LAMA3: variants seen among roughly 807,000 people sequenced by gnomAD.
LAMA3 encodes laminin subunit alpha-3.
A neutral mutation model predicts 402.0 loss-of-function variants in LAMA3; 281 were observed. The ratio of observed to expected loss-of-function variants is 0.70; its 90% CI spans 0.63 to 0.77. The LOEUF is 0.77. LAMA3 is among the 30% of genes least tolerant of loss of function. LAMA3 has a pLI of 0.00. For synonymous variants in LAMA3, 1,431 were observed against 1,558.4 expected, an observed-to-expected ratio of 0.92 and a Z score of 1.93; for missense variants, 3,840 against 4,215.5, an observed-to-expected ratio of 0.91 and a Z score of 2.47.
chr18:23,938,443 T>G (rs1489111021), intron 67 of LAMA3, among the ~76,000 whole-genome samples: 1 of 152,212 alleles, frequency 6.6e-6, no homozygotes, highest in Non-Finnish European at 1.5e-5. Flanking sequence ...TTATTATGGT[T>G]GTTTTTCTGC....
At chr18:23,786,807 G>T (rs2062553867) in intron 12 of LAMA3, among the ~76,000 whole-genome samples, 1 of 152,188 alleles carries the variant, frequency 6.6e-6, no homozygotes, top group East Asian at 1.9e-4. Context: ...TAAAGAGATA[G>T]AAATTGTTTT....
chr18:23,776,573 G>T (rs1338719770), intron 10 of LAMA3, among the ~76,000 whole-genome samples: 1 of 152,152 alleles, frequency 6.6e-6, no homozygotes, highest in African/African-American at 2.4e-5. Context: ...CTGTCTCTCT[G>T]TATCACTCTA....
At chr18:23,749,624 A>G (rs2061710519) in intron 4 of LAMA3, 78 bp downstream of exon 4, 1 of 898,972 alleles carries the variant, frequency 1.1e-6, no homozygotes, top group African/African-American at 1.6e-5. Flanking sequence ...TAATTGCGAA[A>G]CTTGCACTTT....
chr18:23,754,005 C>T (rs371917988), intron 6 of LAMA3, among the ~76,000 whole-genome samples, 193 bp downstream of exon 6: 1 of 151,972 alleles, frequency 6.6e-6, no homozygotes, highest in East Asian at 1.9e-4. Context: ...CCCTATAGGC[C>T]CTGGCAGACA....
chr18:23,860,320 G>GTGATCACA (rs1398411468), intron 34 of LAMA3, among the ~76,000 whole-genome samples: 1 of 133,246 alleles, frequency 7.5e-6, no homozygotes, highest in African/African-American at 2.8e-5. Flanking sequence ...GTGTAGTGGT[G>GTGATCACA]TGATCACAGC....
At chr18:23,759,343 A>G (rs897087212) in intron 7 of LAMA3, among the ~76,000 whole-genome samples, 21 of 152,066 alleles carry the variant, frequency 1.4e-4, no homozygotes, top group African/African-American at 4.8e-4. Flanking sequence ...AAAAAAAAAA[A>G]AAAAAGAAGA....
rs2060546260 is a variant in LAMA3, at chr18:23,689,882, G to C, written c.199G>C (p.Gly67Arg). 5.2e-6 allele frequency: 8 copies of C among 1,542,134 alleles called. No homozygotes were observed. Among genetic ancestry groups the C allele is most frequent in the Non-Finnish European group, 7.0e-6 (8 of 1,144,004 alleles). ...AARIWATATC[G>R]ERGPGEGRPQ... ...GAGGATTTGGGCCACCGCCACCTGC[G>C]GGGAGAGGGGACCCGGCGAGGGGAG... is the stretch of plus-strand genomic sequence containing the variant. The change falls in exon 1 of 75, where the codon GGG becomes CGG. Residue 67 changes from glycine (G) to arginine (R), a missense_variant. Physicochemically the swap from Gly to Arg is moderately radical, Grantham distance 125. Around this residue, in one of 3 missense-constraint regions of LAMA3, gnomAD observed 2,109 missense variants for 2,376.0 expected, o/e 0.89. Coordinates refer to ENST00000313654, the MANE Select transcript of LAMA3 (RefSeq NM_198129.4).
At chr18:23,856,426 C>CA (rs1358941409) in intron 32 of LAMA3, among the ~76,000 whole-genome samples, 11 of 152,156 alleles carry the variant, frequency 7.2e-5, no homozygotes, top group African/African-American at 2.7e-4. Flanking sequence ...ATTTCTAATA[C>CA]TTCCCTTAGT....
At chr18:23,692,735 T>C (rs2060615577) in intron 1 of LAMA3, among the ~76,000 whole-genome samples, 2 of 152,202 alleles carry the variant, frequency 1.3e-5, no homozygotes, top group Non-Finnish European at 2.9e-5. Flanking sequence ...TCAATTCTTC[T>C]ATTATTGTCT....
chr18:23,909,240 A>C lies in LAMA3; in HGVS notation c.7103A>C (p.Asp2368Ala). Residue 2368 changes from aspartate (D) to alanine (A), a missense_variant, in exon 55 of 75, where the codon GAC becomes GCC. Transcript: ENST00000313654. ...QQLLPLGNISDNMDRIRELIQ... is the reference protein window; with the variant it reads ...QQLLPLGNISANMDRIRELIQ... ...CTGTTGCCCTTGGGAAACATCTCTG[A>C]CAACATGGACAGAATACGAGAACTA... is the stretch of plus-strand genomic sequence containing the variant. The C allele has an allele frequency of 1.2e-6, 2 of 1,613,826 alleles. No individual in the cohort carries two copies. The highest frequency in any genetic ancestry group is 4.5e-5 in the East Asian group (2 of 44,884).
intron 2 of LAMA3, among the ~76,000 whole-genome samples, chr18:23,717,860 T>G (rs2061137692): frequency 6.6e-6 from 1 of 151,554 alleles, no homozygotes; most frequent in Non-Finnish European, 1.5e-5. Flanking sequence ...TGAGTCACCG[T>G]GCCTGGTCCA....
In LAMA3 at chr18:23,819,056, T is replaced by C. The variant is rs2063231282; in HGVS notation, c.2148-785T>C. ...TTGTAAATTGCTTCCAGAAAAGTTG[T>C]AAGCATTCCTAATTCTATTTGCAGT... is the stretch of plus-strand genomic sequence containing the variant. On this transcript the variant is annotated intron_variant, in intron 18 of 74. Coordinates refer to ENST00000313654, the MANE Select transcript of LAMA3 (RefSeq NM_198129.4). Among the ~76,000 whole-genome samples, 2 of 152,212 alleles carry C rather than the reference T, an allele frequency of 1.3e-5. 1 individual carries two copies. Among genetic ancestry groups the C allele is most frequent in the South Asian group, 4.1e-4 (2 of 4,836 alleles).
chr18:23,922,316 T>C (rs2081870840), intron 62 of LAMA3, among the ~76,000 whole-genome samples: 1 of 152,242 alleles, frequency 6.6e-6, no homozygotes, highest in Non-Finnish European at 1.5e-5. Flanking sequence ...TAGGTTATGA[T>C]GACTTTTATA....
At chr18:23,939,870 T>C (rs1484314911) in intron 68 of LAMA3, among the ~76,000 whole-genome samples, 1 of 152,146 alleles carries the variant, frequency 6.6e-6, no homozygotes, top group African/African-American at 2.4e-5. Context: ...ATTAATTATG[T>C]CAGAAAAAAA....
At chr18:23,939,112 C>T in intron 67 of LAMA3, 111 bp from the exon 68 acceptor site, 1 of 1,143,016 alleles carries the variant, frequency 8.7e-7, no homozygotes. Flanking sequence ...CTTCTATTGC[C>T]CTACTGAATT....
intron 24 of LAMA3, chr18:23,834,716 A>G (rs558080662): frequency 6.5e-6 from 1 of 152,732 alleles, no homozygotes; most frequent in Non-Finnish European, 1.5e-5. Flanking sequence ...GTTCTTGGCC[A>G]TGGCCTTGAA....
At chr18:23,790,031 C>T (rs2062620152) in intron 12 of LAMA3, among the ~76,000 whole-genome samples, 1 of 152,176 alleles carries the variant, frequency 6.6e-6, no homozygotes, top group African/African-American at 2.4e-5. Context: ...ATCACAAGTA[C>T]TTATTTTACA....
rs1220161220 is a variant in LAMA3, at chr18:23,835,704, A to T, written c.2985-1277A>T. Among the ~76,000 whole-genome samples the T allele has an allele frequency of 3.3e-5, 5 of 152,218 alleles. No homozygotes were observed. In the East Asian group the frequency reaches 9.6e-4, roughly 29 times the overall value. On this transcript the variant is annotated intron_variant, in intron 24 of 74. Transcript: ENST00000313654. ...GTCATGTGGATGAGTGAAAATCAAC[A>T]GGCTACAAGTATGGGAGTCCAAAAA...
chr18:23,938,177 T>A (rs1028903506), intron 67 of LAMA3, among the ~76,000 whole-genome samples: 2 of 152,160 alleles, frequency 1.3e-5, no homozygotes, highest in Non-Finnish European at 2.9e-5. Flanking sequence ...TGGAATTATT[T>A]ACCAGAAGCC....
Sources: allele counts gnomAD v4.1 joint callset (sites outside exome capture counted in the v4.1 genomes callset), GRCh38; gene constraint gnomAD v4.1.1; regional missense constraint gnomAD v4.1.1; transcripts MANE v1.5; gene names NCBI Gene and HGNC (gene_info 2026-07-23, HGNC 2026-07-21).